SLC4A5: variants seen among roughly 807,000 people sequenced by gnomAD.
The protein encoded by SLC4A5 is solute carrier family 4 member 5, also known as electrogenic sodium bicarbonate cotransporter 4.
SLC4A5 carries 96 observed loss-of-function variants against 120.4 expected under a neutral mutation model. That is an observed-to-expected ratio of 0.80 (90% CI 0.68 to 0.94). The LOEUF is 0.94. Among genes scored for constraint, SLC4A5 ranks in the 40% least tolerant of loss-of-function variants. The pLI is 0.00. For synonymous variants in SLC4A5, 550 were observed against 571.1 expected (o/e 0.96, Z 0.53); for missense variants, 1,259 against 1,459.5 (o/e 0.86, Z 2.24).
At chr2:74,217,049 T>C (rs1427732038) in exon 31 of SLC4A5, 1 of 152,180 alleles carries the variant, frequency 6.6e-6, no homozygotes, top group Admixed American at 6.6e-5. Context: ...CAAACACTTA[T>C]TGAGAGCTTT....
At chr2:74,252,861 T>G (rs780774771) in intron 15 of SLC4A5, 113 bp downstream of exon 15, 20 of 1,297,674 alleles carry the variant, frequency 1.5e-5, no homozygotes, top group African/African-American at 4.4e-5. Context: ...GTGTTGAGAT[T>G]ACAGGCATGA....
chr2:74,295,120 GGAGT>G (rs1287092641), intron 7 of SLC4A5, among the ~76,000 whole-genome samples: 1 of 152,130 alleles, frequency 6.6e-6, no homozygotes, highest in East Asian at 1.9e-4. Context: ...TAAAGTGAGT[GGAGT>G]GAGTGTGTGT....
chr2:74,239,876 C>T (rs1048956217), intron 20 of SLC4A5, among the ~76,000 whole-genome samples: 6 of 152,110 alleles, frequency 3.9e-5, no homozygotes, highest in Non-Finnish European at 4.4e-5. Flanking sequence ...TCCCCTCCAT[C>T]CCCTCTGTCA....
At chr2:74,217,293 T>TA (rs1694474334) in exon 31 of SLC4A5, 1 of 152,204 alleles carries the variant, frequency 6.6e-6, no homozygotes, top group Non-Finnish European at 1.5e-5. Context: ...GTCAGGGTCA[T>TA]AGTAGGCATT....
chr2:74,235,353 G>A, intron 21 of SLC4A5, 139 bp from the exon 22 acceptor site: 1 of 628,556 alleles, frequency 1.6e-6, no homozygotes, highest in South Asian at 1.9e-5. Context: ...TCAAATCCAG[G>A]CTCTGCTCCT....
chr2:74,252,161 G>C lies in SLC4A5; in HGVS notation c.1478+18C>G. On this transcript the variant is annotated intron_variant, in intron 16 of 30. Coordinates refer to ENST00000394019, the Ensembl canonical transcript of SLC4A5. ...GTCTAAAGGACAGCAGGGTCACTGGGAGGCCTGGGGTGGGCACCTTCCTGT... is the reference window on the plus strand; with the variant it reads ...GTCTAAAGGACAGCAGGGTCACTGGCAGGCCTGGGGTGGGCACCTTCCTGT... The C allele has an allele frequency of 6.2e-7, 1 of 1,610,016 alleles. No homozygotes were observed. Among genetic ancestry groups the C allele is most frequent in the Non-Finnish European group, 8.5e-7 (1 of 1,178,202 alleles).
intron 8 of SLC4A5, among the ~76,000 whole-genome samples, chr2:74,279,312 T>A (rs182612331): frequency 2.0e-5 from 3 of 152,188 alleles, no homozygotes; most frequent in African/African-American, 7.2e-5. Context: ...CGGGAGTAGG[T>A]CCATCCTGCG....
At chr2:74,231,113 G>A in intron 25 of SLC4A5, 123 bp downstream of exon 25, 1 of 856,174 alleles carries the variant, frequency 1.2e-6, no homozygotes, top group Non-Finnish European at 1.8e-6. Flanking sequence ...GGCCAAGACT[G>A]TGCCTTTCTT....
At position 74,221,429 on chromosome 2, in the gene SLC4A5, T is replaced by C. The variant is rs1694639795; in HGVS notation, c.*33+5A>G. The stretch of plus-strand genomic sequence containing the variant: ...TACGCAAGGAGTCTACCTAACAGTG[T>C]TTACCTTCGGTCAAGTTCTGTGTCA... On this transcript the variant is annotated splice_donor_5th_base_variant and intron_variant, in intron 30 of 30. Coordinates refer to ENST00000394019, the Ensembl canonical transcript of SLC4A5. The C allele has an allele frequency of 3.7e-6, 6 of 1,607,450 alleles. No homozygotes were observed. Among genetic ancestry groups the C allele is most frequent in the African/African-American group, 1.3e-5 (1 of 74,834 alleles).
intron 8 of SLC4A5, among the ~76,000 whole-genome samples, chr2:74,276,445 C>T (rs1490588426): frequency 6.6e-6 from 1 of 152,232 alleles, no homozygotes; most frequent in Non-Finnish European, 1.5e-5. Flanking sequence ...AGAGCTTCCA[C>T]CTTTCCGCTG....
At chr2:74,225,777 C>G (rs1694821320) in intron 27 of SLC4A5, among the ~76,000 whole-genome samples, 1 of 152,036 alleles carries the variant, frequency 6.6e-6, no homozygotes, top group Non-Finnish European at 1.5e-5. Context: ...ACTCATAGAC[C>G]CACACATTGA....
intron 28 of SLC4A5, 55 bp from the exon 29 acceptor site, chr2:74,223,007 C>CT (rs1238005058): frequency 0.091 from 82,397 of 903,518 alleles, 145 homozygotes; most frequent in East Asian, 0.1. Context: ...ATTTGGCTTT[C>CT]TTTTTTTTTT....
chr2:74,317,920 A>G (rs1673006419), intron 5 of SLC4A5, among the ~76,000 whole-genome samples: 1 of 152,258 alleles, frequency 6.6e-6, no homozygotes, highest in Non-Finnish European at 1.5e-5. Context: ...ATGAACAGCC[A>G]GCCAAGAATC....
chr2:74,309,657 T>A (rs1672748913), intron 6 of SLC4A5, among the ~76,000 whole-genome samples: 1 of 137,424 alleles, frequency 7.3e-6, no homozygotes, highest in African/African-American at 2.9e-5. Context: ...GAACATGAAA[T>A]TTTTTTTTTT....
chr2:74,335,480 C>T (rs781196881), intron 3 of SLC4A5, among the ~76,000 whole-genome samples: 4 of 152,206 alleles, frequency 2.6e-5, no homozygotes, highest in Non-Finnish European at 4.4e-5. Flanking sequence ...AGCCAAAGGA[C>T]AGTTCTCTGA....
chr2:74,285,212 G>A (rs1200945030), intron 8 of SLC4A5, among the ~76,000 whole-genome samples: 1 of 152,136 alleles, frequency 6.6e-6, no homozygotes, highest in East Asian at 1.9e-4. Flanking sequence ...TTACCCTACT[G>A]CACTGAAGCC....
At chr2:74,270,861 G>A (rs1027877541) in intron 8 of SLC4A5, among the ~76,000 whole-genome samples, 26 of 152,114 alleles carry the variant, frequency 1.7e-4, no homozygotes, top group African/African-American at 4.1e-4. Flanking sequence ...GCAGGCAAAC[G>A]TAGCTCACAT....
chr2:74,248,250 CA>C (rs1228711903), intron 18 of SLC4A5, 102 bp downstream of exon 18: 20 of 1,458,226 alleles, frequency 1.4e-5, no homozygotes, highest in Non-Finnish European at 1.8e-5. Context: ...GCTTTGGCAC[CA>C]CCGCACCACC....
chr2:74,333,380 G>A (rs768429911), intron 4 of SLC4A5, among the ~76,000 whole-genome samples: 2 of 152,074 alleles, frequency 1.3e-5, no homozygotes, highest in Non-Finnish European at 2.9e-5. Flanking sequence ...GCCAGGAGAG[G>A]GAGCTAAAGA....
Sources: allele counts gnomAD v4.1 joint callset (sites outside exome capture counted in the v4.1 genomes callset), GRCh38; gene constraint gnomAD v4.1.1; transcripts MANE v1.5; gene names NCBI Gene and HGNC (gene_info 2026-07-23, HGNC 2026-07-21).